TMEM114: variants seen among roughly 807,000 people sequenced by gnomAD.
The protein encoded by TMEM114 is transmembrane protein 114, also known as claudin-26.
TMEM114 carries 6 observed loss-of-function variants against 6.2 expected under a neutral mutation model. The ratio of observed to expected loss-of-function variants is 0.97; its 90% confidence interval spans 0.53 to 1.91. TMEM114 has a LOEUF of 1.91. Among genes scored for constraint, TMEM114 ranks in the 40% most tolerant of loss-of-function variants. The pLI is 0.01. For synonymous variants in TMEM114, 104 were observed against 73.0 expected, an observed-to-expected ratio of 1.42 and a Z score of -2.16; for missense variants, 218 against 158.3, an observed-to-expected ratio of 1.38 and a Z score of -2.02.
intron 2 of TMEM114, among the ~76,000 whole-genome samples, chr16:8,544,821 A>C (rs1210056227): frequency 1.3e-5 from 2 of 152,228 alleles, no homozygotes; most frequent in Non-Finnish European, 2.9e-5. Flanking sequence ...GACATTTGAA[A>C]AATAGCTGCA....
chr16:8,582,595 A>G (rs1230114723), intron 2 of TMEM114, among the ~76,000 whole-genome samples: 8 of 152,206 alleles, frequency 5.3e-5, no homozygotes, highest in Non-Finnish European at 2.9e-5. Flanking sequence ...GAGTAGAAAC[A>G]AACTGCTGAG....
At chr16:8,553,885 T>A (rs1596472920) in intron 2 of TMEM114, among the ~76,000 whole-genome samples, 1 of 151,712 alleles carries the variant, frequency 6.6e-6, no homozygotes, top group East Asian at 1.9e-4. Context: ...TTTCTTTTTT[T>A]TTTTTTCTTT....
rs1901678725 is a variant in TMEM114, at chr16:8,570,015, G to A, written c.440-10C>T. On this transcript the variant is annotated splice_polypyrimidine_tract_variant and intron_variant, in intron 3 of 3. Transcript: ENST00000620492. The stretch of plus-strand genomic sequence containing the variant: ...GCGAGGGTCACCATGGCTGCAGGGA[G>A]GGCAAAGGGAGAGCAGATCAATCCC... The A allele has an allele frequency of 1.9e-6, 3 of 1,544,908 alleles. No homozygotes were observed. Among genetic ancestry groups the A allele is most frequent in the Admixed American group, 2.0e-5 (1 of 50,850 alleles).
chr16:8,553,878 C>CTA (rs1341144418), intron 2 of TMEM114, among the ~76,000 whole-genome samples: 1 of 144,728 alleles, frequency 6.9e-6, no homozygotes, highest in East Asian at 2.0e-4. Flanking sequence ...TTTTCCTTTT[C>CTA]TTTTTTTTTT....
downstream of TMEM114, among the ~76,000 whole-genome samples, chr16:8,565,541 C>G (rs1279369812): frequency 1.3e-5 from 2 of 152,148 alleles, no homozygotes; most frequent in East Asian, 3.9e-4. Context: ...TCCTGTTTAC[C>G]TTCTCATGAG....
chr16:8,566,682 C>G (rs1049517874), downstream of TMEM114, among the ~76,000 whole-genome samples: 1 of 152,188 alleles, frequency 6.6e-6, no homozygotes, highest in African/African-American at 2.4e-5. Context: ...TCCTATTTCT[C>G]TCCATCAACC....
chr16:8,571,489 T>C (rs187243529), intron 3 of TMEM114, among the ~76,000 whole-genome samples: 17 of 152,352 alleles, frequency 1.1e-4, no homozygotes, highest in African/African-American at 4.1e-4. Context: ...CACAATAGGC[T>C]GTTGTTAACT....
intron 2 of TMEM114, among the ~76,000 whole-genome samples, chr16:8,556,749 C>T (rs556937800): frequency 7.7e-4 from 118 of 152,260 alleles, no homozygotes; most frequent in African/African-American, 2.5e-3. Context: ...GGGATCCACC[C>T]GCCTCAGCCT....
chr16:8,529,072 G>T, the TMEM114 span, among the ~76,000 whole-genome samples: 1 of 152,204 alleles, frequency 6.6e-6, no homozygotes, highest in Non-Finnish European at 1.5e-5. Context: ...TTAGAGAATC[G>T]TTCGGAGAGG....
intron 2 of TMEM114, among the ~76,000 whole-genome samples, chr16:8,550,443 G>A (rs1162432438): frequency 6.6e-6 from 1 of 151,594 alleles, no homozygotes; most frequent in Non-Finnish European, 1.5e-5. Flanking sequence ...CACTTTGGGA[G>A]GCCAAGGCGG....
chr16:8,529,498 T>C, the TMEM114 span, among the ~76,000 whole-genome samples: 1 of 152,194 alleles, frequency 6.6e-6, no homozygotes, highest in Non-Finnish European at 1.5e-5. Flanking sequence ...TTTCTACGAC[T>C]GTGGTCCTCA....
chr16:8,566,407 A>G (rs1201282556), downstream of TMEM114, among the ~76,000 whole-genome samples: 3 of 152,028 alleles, frequency 2.0e-5, no homozygotes, highest in African/African-American at 7.2e-5. Context: ...AGAACAGAAC[A>G]GGTCAGAATA....
downstream of TMEM114, among the ~76,000 whole-genome samples, chr16:8,566,902 T>TG (rs1001350566): frequency 5.1e-4 from 74 of 145,040 alleles, no homozygotes; most frequent in Non-Finnish European, 9.0e-4. Flanking sequence ...CCCTGGTTTT[T>TG]TTTTTTTTTT....
chr16:8,549,937 A>T (rs1900789325), intron 2 of TMEM114, among the ~76,000 whole-genome samples: 1 of 152,232 alleles, frequency 6.6e-6, no homozygotes, highest in African/African-American at 2.4e-5. Flanking sequence ...GTAGTGGCTC[A>T]GTCCGAGTCC....
intron 2 of TMEM114, among the ~76,000 whole-genome samples, chr16:8,575,188 G>T (rs555248999): frequency 5.1e-4 from 78 of 152,316 alleles, no homozygotes; most frequent in African/African-American, 1.6e-3. Context: ...CATACAAGCT[G>T]TGTGACTTTG....
intron 2 of TMEM114, among the ~76,000 whole-genome samples, chr16:8,584,998 T>C (rs1284938511): frequency 6.8e-6 from 1 of 147,818 alleles, no homozygotes; most frequent in African/African-American, 2.5e-5. Context: ...GACTGGGTAA[T>C]TTATAAAGGA....
intron 2 of TMEM114, among the ~76,000 whole-genome samples, chr16:8,586,892 C>T (rs983569753): frequency 6.6e-6 from 1 of 152,172 alleles, no homozygotes; most frequent in Admixed American, 6.5e-5. Flanking sequence ...ACAGAGCACA[C>T]GGTACCTCCA....
intron 2 of TMEM114, among the ~76,000 whole-genome samples, chr16:8,574,580 TCCTTCTTTC>T (rs1412139262): frequency 7.4e-6 from 1 of 134,864 alleles, no homozygotes; most frequent in Admixed American, 7.6e-5. Flanking sequence ...TTTCCTTCCT[TCCTTCTTTC>T]TTTCTTTCTT....
intron 2 of TMEM114, among the ~76,000 whole-genome samples, chr16:8,564,233 G>T (rs561833610): frequency 8.9e-5 from 2 of 22,578 alleles, no homozygotes; most frequent in East Asian, 3.6e-3. Context: ...GAATGAGTGA[G>T]TTAGTGAATG....
Sources: gnomAD v4.1 joint callset for allele counts (sites outside exome capture counted in the v4.1 genomes callset) on GRCh38, gnomAD v4.1.1 for gene constraint, MANE v1.5 for transcripts, NCBI Gene and HGNC (gene_info 2026-07-23, HGNC 2026-07-21) for gene names.